Variants in SQLE observed in about 807,000 individuals in gnomAD.
SQLE encodes the protein squalene epoxidase, also known as squalene monooxygenase.
SQLE carries 29 observed loss-of-function variants against 60.7 expected under a neutral mutation model. The observed-to-expected ratio is 0.48, with a 90% CI of 0.36 to 0.65. The LOEUF (loss-of-function observed/expected upper bound fraction) is 0.65. Ranked by LOEUF, SQLE falls within the 30% of genes least tolerant of loss-of-function variation. SQLE has a pLI of 0.00. For missense variants in SQLE, 605 were observed against 684.1 expected, an observed-to-expected ratio of 0.88 and a Z score of 1.29; for synonymous variants, 237 against 246.8, an observed-to-expected ratio of 0.96 and a Z score of 0.37.
At position 125,009,024 on chromosome 8, in the gene SQLE, GA is replaced by G; in HGVS notation, c.880del (p.Ser294AlafsTer18). ...VADGLFSKFR[K>X]SLVSNKVSVS... ...CAGATGGGCTTTTCTCCAAGTTCAG[GA>G]AAAGCCTGGTCTCCAATAAAGTTTC... On this transcript the variant is annotated frameshift_variant, in exon 5 of 11. Coordinates refer to ENST00000265896, the MANE Select transcript of SQLE (RefSeq NM_003129.4). LOFTEE classifies it high-confidence loss of function. The G allele has an allele frequency of 6.2e-7, 1 of 1,601,940 alleles. No individual in the cohort carries two copies. The highest frequency in any genetic ancestry group is 1.1e-5 in the South Asian group (1 of 87,674).
intron 1 of SQLE, 28 bp from the exon 2 acceptor site, chr8:125,003,148 C>T: frequency 2.6e-6 from 4 of 1,554,068 alleles, no homozygotes; most frequent in South Asian, 1.2e-5. Flanking sequence ...AATTTGGATA[C>T]CTAGTTTACC....
rs373439170 is a variant in SQLE at position 125,018,737 on chromosome 8, G to C, written c.1444+10G>C. On this transcript the variant is annotated intron_variant, in intron 9 of 10. Transcript: ENST00000265896. Reference sequence around the variant, plus strand: ...TTTTCTGCCACAGATGGTAAGTGTAGACACTTTTTAGTGAATATTACTCAA... The same window carrying C: ...TTTTCTGCCACAGATGGTAAGTGTACACACTTTTTAGTGAATATTACTCAA... 3.7e-5 allele frequency: 57 copies of C among 1,560,954 alleles called. No individual in the cohort carries two copies. In the African/African-American group the frequency reaches 7.3e-4, roughly 20 times the overall value.
chr8:125,021,598 G>A (rs901719425), intron 10 of SQLE, among the ~76,000 whole-genome samples, 155 bp from the exon 11 acceptor site: 6 of 151,442 alleles, frequency 4.0e-5, no homozygotes, highest in Admixed American at 6.6e-5. Context: ...TATTTGTGAC[G>A]TCCTCTAAAA....
rs374170165 is a variant in SQLE, at chr8:124,998,555, T to C, written c.-849T>C. 1.9e-5 allele frequency: 13 copies of C among 681,604 alleles called. No homozygotes were observed. Among genetic ancestry groups the C allele is most frequent in the African/African-American group, 1.3e-4 (7 of 55,122 alleles). The allele number at this position is 681,604 out of a possible 1,614,324, so 42.2% of individuals were successfully genotyped here. On this transcript the variant is annotated 5_prime_UTR_variant, in exon 1 of 11. Transcript: ENST00000265896. ...TGGGGGCGTGCGACGGTTACTCTGG[T>C]TACTGGGGCCGCGCCGCGCTGGCGA...
intron 9 of SQLE, among the ~76,000 whole-genome samples, chr8:125,019,310 C>T (rs1438492348): frequency 6.6e-6 from 1 of 151,686 alleles, no homozygotes; most frequent in Non-Finnish European, 1.5e-5. Flanking sequence ...AGAGGCCAGG[C>T]GAAATGATTC....
rs1815108780 is a variant in SQLE at position 125,016,155 on chromosome 8, A to G, written c.1205-1904A>G. ...CTTGAATATTGATATCTTTCTCTAGATTTGGGAAGTTCTCTGTTATTTTTT... is the reference window on the plus strand; with the variant it reads ...CTTGAATATTGATATCTTTCTCTAGGTTTGGGAAGTTCTCTGTTATTTTTT... On this transcript the variant is annotated intron_variant, in intron 7 of 10. Coordinates refer to ENST00000265896, the MANE Select transcript of SQLE (RefSeq NM_003129.4). This position sits in a 1 kb window ranked among gnomAD's most constrained non-coding sequence, Gnocchi z 4.1. 6.6e-6 allele frequency among the ~76,000 whole-genome samples: 1 copy of G among 151,770 alleles called. No homozygotes were observed. Among genetic ancestry groups the G allele is most frequent in the Non-Finnish European group, 1.5e-5 (1 of 67,986 alleles).
Position 124,998,717 on chromosome 8 carries a change from C to G in SQLE, c.-687C>G. The G allele has an allele frequency of 3.4e-6, 2 of 592,248 alleles. No individual in the cohort carries two copies. The highest frequency in any genetic ancestry group is 3.7e-5 in the South Asian group (2 of 54,720). The allele number at this position is 592,248 out of a possible 1,614,324, so 36.7% of individuals were successfully genotyped here. A position where few individuals can be genotyped will look rare whatever the true frequency, so the allele number is the denominator to read the frequency against. ...TGGGCGGCTCTGGGGGCCAGCGAAA[C>G]GGGAGGCCTCTAAATCTTTAGGTTG... On this transcript the variant is annotated 5_prime_UTR_variant, in exon 1 of 11. Coordinates refer to ENST00000265896, the MANE Select transcript of SQLE (RefSeq NM_003129.4).
At chr8:125,003,817 C>G (rs1814904322) in intron 2 of SQLE, among the ~76,000 whole-genome samples, 1 of 140,888 alleles carries the variant, frequency 7.1e-6, no homozygotes, top group Non-Finnish European at 1.5e-5. Context: ...TCCATTCAAC[C>G]AGTGCTTTTT....
At chr8:125,018,534 G>A in intron 8 of SQLE, 97 bp from the exon 9 acceptor site, 1 of 782,102 alleles carries the variant, frequency 1.3e-6, no homozygotes, top group Admixed American at 3.2e-5. Flanking sequence ...CTTGCAGATA[G>A]TCCTTAGAAG....
intron 1 of SQLE, among the ~76,000 whole-genome samples, chr8:125,001,522 A>C (rs933618836): frequency 6.6e-6 from 1 of 151,414 alleles, no homozygotes; most frequent in African/African-American, 2.4e-5. Flanking sequence ...GAAGAAGCAC[A>C]TTTTTGGTTA....
intron 3 of SQLE, 61 bp downstream of exon 3, chr8:125,005,766 T>C: frequency 7.4e-7 from 1 of 1,346,168 alleles, no homozygotes; most frequent in Non-Finnish European, 9.8e-7. Flanking sequence ...ATTTGACCTT[T>C]GTACAAATAA....
At chr8:125,001,269 A>G (rs1482689208) in intron 1 of SQLE, among the ~76,000 whole-genome samples, 1 of 152,084 alleles carries the variant, frequency 6.6e-6, no homozygotes, top group Non-Finnish European at 1.5e-5. Flanking sequence ...GGAGTAGGAA[A>G]ATTGGGTTAC....
At chr8:125,007,331 TATTTA>T (rs573409633) in intron 3 of SQLE, 55 bp from the exon 4 acceptor site, 8 of 1,259,806 alleles carry the variant, frequency 6.4e-6, no homozygotes, top group South Asian at 5.7e-5. Context: ...AAGGAATTTA[TATTTA>T]ATTTAAATTG....
intron 7 of SQLE, among the ~76,000 whole-genome samples, chr8:125,012,270 T>C (rs532576753): frequency 4.6e-5 from 7 of 152,364 alleles, no homozygotes; most frequent in Admixed American, 3.9e-4. Flanking sequence ...TTTATTGATA[T>C]ATAATTCACA....
At chr8:125,012,159 A>G (rs183256799) in intron 7 of SQLE, among the ~76,000 whole-genome samples, 1 of 152,258 alleles carries the variant, frequency 6.6e-6, no homozygotes. Flanking sequence ...GCAGTTTCCT[A>G]TGGCAGGAGC....
rs531273122 is a variant in SQLE at position 125,016,252 on chromosome 8, A to G, written c.1205-1807A>G. 1.3e-5 allele frequency among the ~76,000 whole-genome samples: 2 copies of G among 152,082 alleles called. No individual in the cohort carries two copies. Among genetic ancestry groups the G allele is most frequent in the Non-Finnish European group, 2.9e-5 (2 of 68,014 alleles). The stretch of plus-strand genomic sequence containing the variant: ...CCAAGAACTTAGATTTGCTCTTTTG[A>G]AATTATTTTCTAGATCTTGTAGGTG... On this transcript the variant is annotated intron_variant, in intron 7 of 10. Coordinates refer to ENST00000265896, the MANE Select transcript of SQLE (RefSeq NM_003129.4). The surrounding 1 kb of genome is among the most constrained non-coding windows in gnomAD (Gnocchi z 4.1).
At chr8:125,018,601 C>T (rs201952706) in intron 8 of SQLE, 30 bp from the exon 9 acceptor site, 2 of 1,449,880 alleles carry the variant, frequency 1.4e-6, no homozygotes, top group Non-Finnish European at 1.9e-6. Context: ...TTATCCTTAC[C>T]ATATAATAAA....
intron 1 of SQLE, among the ~76,000 whole-genome samples, chr8:125,002,714 A>G (rs1335252350): frequency 3.9e-5 from 6 of 152,166 alleles, no homozygotes; most frequent in South Asian, 4.1e-4. Context: ...AAAAAAGAAA[A>G]TGTCTAAAAG....
intron 7 of SQLE, among the ~76,000 whole-genome samples, chr8:125,014,813 C>T (rs937488565): frequency 6.6e-6 from 1 of 152,038 alleles, no homozygotes; most frequent in African/African-American, 2.4e-5. Flanking sequence ...ATTTTTTAAG[C>T]CTTGTTTTGT....
Sources: gnomAD v4.1 joint callset for allele counts (sites outside exome capture counted in the v4.1 genomes callset) on GRCh38, gnomAD v4.1.1 for gene constraint, Gnocchi (gnomAD v3.1) non-coding constraint, MANE v1.5 for transcripts, NCBI Gene and HGNC (gene_info 2026-07-23, HGNC 2026-07-21) for gene names.